The following PABPC4 variants were observed in gnomAD, a reference collection of about 807,000 sequenced individuals.
The protein encoded by PABPC4 is polyadenylate-binding protein 4.
In PABPC4, 15 loss-of-function variants were observed where a neutral mutation model predicts 74.5. That is an observed-to-expected ratio of 0.20 (90% CI 0.13 to 0.31). The LOEUF (loss-of-function observed/expected upper bound fraction) is 0.31, where lower values mean the gene tolerates loss of function less well. Among genes scored for constraint, PABPC4 ranks in the 10% least tolerant of loss-of-function variants. PABPC4 has a pLI of 1.00. For synonymous variants in PABPC4, 345 were observed against 303.0 expected, an observed-to-expected ratio of 1.14 and a Z score of -1.44; for missense variants, 610 against 853.5, an observed-to-expected ratio of 0.71 and a Z score of 3.55.
At chr1:39,565,787 C>A (rs1645828056) in intron 7 of PABPC4, among the ~76,000 whole-genome samples, 12 of 152,106 alleles carry the variant, frequency 7.9e-5, no homozygotes, top group Admixed American at 7.9e-4. Flanking sequence ...GAGATCGCGC[C>A]ACTGCACTCC....
chr1:39,561,307 T>C, intron 15 of PABPC4, 185 bp from the exon 16 acceptor site: 1 of 341,360 alleles, frequency 2.9e-6, no homozygotes, highest in South Asian at 2.4e-5. Context: ...TCTCTGGTCT[T>C]TACCACTAGA....
intron 12 of PABPC4, 154 bp downstream of exon 12, chr1:39,563,460 G>A (rs1645791986): frequency 1.0e-6 from 1 of 955,196 alleles, no homozygotes; most frequent in Admixed American, 3.1e-5. Context: ...TCCCACTAGT[G>A]AGCCCCTGAA....
rs951111653 is a variant in PABPC4, at chr1:39,575,936, T to C, written c.16A>G (p.Ser6Gly). Residue 6 changes from serine (S) to glycine (G), a missense_variant, in exon 1 of 16, where the codon AGC becomes GGC. Ser to Gly is a moderately conservative substitution (Grantham distance 56). This residue lies in a region of PABPC4 where 304 missense variants were observed against 478.9 expected (regional missense o/e 0.63). Transcript: ENST00000372858. ...TACAGGGAGGCCATGGGGTAGCTGC[T>C]GGCCGCAGCGTTCATCTCCCCGCCC... is the stretch of plus-strand genomic sequence containing the variant. MNAAA[S>G]SYPMASLYVG... The C allele has an allele frequency of 5.7e-6, 9 of 1,592,768 alleles. No individual in the cohort carries two copies. The highest frequency in any genetic ancestry group is 4.1e-5 in the African/African-American group (3 of 73,590).
At chr1:39,568,581 AAT>A in intron 6 of PABPC4, 1 of 452,524 alleles carries the variant, frequency 2.2e-6, no homozygotes, top group Non-Finnish European at 3.8e-6. Flanking sequence ...AGGCTTCCAA[AAT>A]AGAGAGCTTC....
At position 39,575,929 on chromosome 1, in the gene PABPC4, T is replaced by C. The variant is rs1342335810; in HGVS notation, c.23A>G (p.Tyr8Cys). 1 of 1,600,234 alleles carries C rather than the reference T, an allele frequency of 6.2e-7. No homozygotes were observed. Among genetic ancestry groups the C allele is most frequent in the South Asian group, 1.1e-5 (1 of 90,244 alleles). Reference sequence around the variant, plus strand: ...GCCCACGTACAGGGAGGCCATGGGGTAGCTGCTGGCCGCAGCGTTCATCTC... The same window carrying C: ...GCCCACGTACAGGGAGGCCATGGGGCAGCTGCTGGCCGCAGCGTTCATCTC... The part of the protein sequence containing the change: MNAAASS[Y>C]PMASLYVGDL... The change falls in exon 1 of 16, where the codon TAC becomes TGC. Residue 8 changes from tyrosine to cysteine, a missense_variant. By Grantham distance (194) the Tyr-to-Cys change is radical. This residue lies in a region of PABPC4 where 304 missense variants were observed against 478.9 expected (regional missense o/e 0.63). Coordinates refer to ENST00000372858, the MANE Select transcript of PABPC4 (RefSeq NM_001135653.2).
chr1:39,562,114 G>A lies in PABPC4; in HGVS notation c.1852C>T (p.Leu618=). The change falls in exon 14 of 16, where the codon CTG becomes TTG. Residue 618 remains leucine (L), a synonymous_variant. Coordinates refer to ENST00000372858, the MANE Select transcript of PABPC4 (RefSeq NM_001135653.2). ...TCGGGGGACTCTAACATGTGCAGCA[G>A]CTCAGAGTTGTCTATCTCCAGCAGC... ...GMLLEIDNSE[L]LHMLESPESL... The A allele has an allele frequency of 6.2e-7, 1 of 1,613,686 alleles. No individual in the cohort carries two copies. The highest frequency in any genetic ancestry group is 1.1e-5 in the South Asian group (1 of 91,066).
chr1:39,576,345 T>C lies in PABPC4; in HGVS notation c.-394A>G, dbSNP rs1646025937. 1 of 161,780 alleles carries C rather than the reference T, an allele frequency of 6.2e-6. No homozygotes were observed. Among genetic ancestry groups the C allele is most frequent in the South Asian group, 2.0e-4 (1 of 5,070 alleles). The allele number at this position is 161,780 out of a possible 1,614,324, so 10.0% of individuals were successfully genotyped here. On this transcript the variant is annotated 5_prime_UTR_variant, in exon 1 of 16. Coordinates refer to ENST00000372858, the MANE Select transcript of PABPC4 (RefSeq NM_001135653.2). ...CGGCGGCCTCGGGGACACGCGTTTC[T>C]CTATAAATATAGGCCTCGGGCTCCG...
intron 5 of PABPC4, 168 bp downstream of exon 5, chr1:39,569,427 C>T (rs1329256109): frequency 1.6e-6 from 1 of 619,058 alleles, no homozygotes; most frequent in Non-Finnish European, 2.9e-6. Context: ...TAAACACCTA[C>T]ATGAAGTTAA....
At position 39,564,758 on chromosome 1, in the gene PABPC4, G is replaced by C; in HGVS notation, c.1261C>G (p.Pro421Ala). 1 of 1,613,920 alleles carries C rather than the reference G, an allele frequency of 6.2e-7. No homozygotes were observed. The highest frequency in any genetic ancestry group is 8.5e-7 in the Non-Finnish European group (1 of 1,179,808). ...GCTAACTGGTTAGGTGTATAATATG[G>C]AGGCCTTCCCTGAGCCTGTAAGACA... ...PAVPQAQGRP[P>A]YYTPNQLAQM... The change falls in exon 9 of 16, where the codon CCA becomes GCA. Residue 421 changes from proline (P) to alanine (A), a missense_variant. Pro to Ala is a conservative substitution (Grantham distance 27). This residue lies in a region of PABPC4 where 277 missense variants were observed against 301.8 expected (regional missense o/e 0.92). Transcript: ENST00000372858.
chr1:39,573,208 G>A (rs72663543), intron 1 of PABPC4: 1 of 149,830 alleles, frequency 6.7e-6, no homozygotes, highest in Non-Finnish European at 1.5e-5. Context: ...TCAGAATTCA[G>A]TCCAGTTTAT....
In PABPC4 at chr1:39,576,597, G is replaced by C. The variant is rs975521634; in HGVS notation, c.-646C>G. 6.0e-5 allele frequency: 9 copies of C among 149,680 alleles called. No homozygotes were observed. The highest frequency in any genetic ancestry group is 1.0e-4 in the Non-Finnish European group (7 of 67,058). The allele number at this position is 149,680 out of a possible 1,614,324, so 9.3% of individuals were successfully genotyped here. A position where few individuals can be genotyped will look rare whatever the true frequency, so the allele number is the denominator to read the frequency against. On this transcript the variant is annotated 5_prime_UTR_variant, in exon 1 of 16. Coordinates refer to ENST00000372858, the MANE Select transcript of PABPC4 (RefSeq NM_001135653.2). The stretch of plus-strand genomic sequence containing the variant: ...ACCGACGGACGCCAAGCGCTGCGGC[G>C]GCGGGCGCGGGGCAGGCCGGAAGCG...
rs769691628 is a variant in PABPC4 at position 39,564,804 on chromosome 1, C to T, written c.1246-31G>A. The T allele has an allele frequency of 3.3e-6, 5 of 1,533,944 alleles. No individual in the cohort carries two copies. The East Asian group carries it at 1.1e-4, about 34-fold the overall frequency. On this transcript the variant is annotated intron_variant, in intron 8 of 15. Coordinates refer to ENST00000372858, the MANE Select transcript of PABPC4 (RefSeq NM_001135653.2). ...AGACAGAAGAATACCCAAACACCCCCTTAAGGACTGAACCCATCCTAGAGA... is the reference window on the plus strand; with the variant it reads ...AGACAGAAGAATACCCAAACACCCCTTTAAGGACTGAACCCATCCTAGAGA...
chr1:39,560,923 C>A lies in PABPC4; in HGVS notation c.*213G>T. On this transcript the variant is annotated 3_prime_UTR_variant, in exon 16 of 16. Transcript: ENST00000372858. Reference sequence around the variant, plus strand: ...AAACCCACAATAAAAAAAAAGTTAACACTGTCTGGGCCACAGCAGAACCCA... The same window carrying A: ...AAACCCACAATAAAAAAAAAGTTAAAACTGTCTGGGCCACAGCAGAACCCA... 1 of 208,506 alleles carries A rather than the reference C, an allele frequency of 4.8e-6. No homozygotes were observed. Among genetic ancestry groups the A allele is most frequent in the Non-Finnish European group, 1.0e-5 (1 of 96,574 alleles). The allele number at this position is 208,506 out of a possible 1,614,324, so 12.9% of individuals were successfully genotyped here.
intron 7 of PABPC4, among the ~76,000 whole-genome samples, chr1:39,567,064 G>A (rs1189874762): frequency 5.3e-5 from 8 of 152,064 alleles, no homozygotes; most frequent in Non-Finnish European, 1.2e-4. Context: ...GTCTGCATCC[G>A]GCCATAACTC....
At chr1:39,570,384 A>T (rs1645922127) in intron 3 of PABPC4, 1 of 189,704 alleles carries the variant, frequency 5.3e-6, no homozygotes, top group Non-Finnish European at 1.1e-5. Flanking sequence ...TGTTGGAGTG[A>T]AGGGGCACCC....
intron 1 of PABPC4, among the ~76,000 whole-genome samples, chr1:39,574,433 G>A (rs1414770031): frequency 2.0e-5 from 3 of 152,248 alleles, no homozygotes; most frequent in Admixed American, 6.5e-5. Flanking sequence ...AAGTCCTGCA[G>A]AAGTATGTGT....
At chr1:39,570,147 C>A in intron 3 of PABPC4, 145 bp from the exon 4 acceptor site, 1 of 767,936 alleles carries the variant, frequency 1.3e-6, no homozygotes, top group Admixed American at 2.6e-5. Flanking sequence ...AGAGATACCC[C>A]AAGTCCCCAG....
rs1311272027 is a variant in PABPC4, at chr1:39,575,851, G to C, written c.101C>G (p.Ala34Gly). ...GACCCGGATGGACAGCACAGGCCCCGCGGGGCTGAACTTTTCGTACAGCAT... is the reference window on the plus strand; with the variant it reads ...GACCCGGATGGACAGCACAGGCCCCCCGGGGCTGAACTTTTCGTACAGCAT... ...EAMLYEKFSP[A>G]GPVLSIRVCR... is the part of the protein sequence containing the mutation. Residue 34 changes from alanine to glycine, a missense_variant, in exon 1 of 16, where the codon GCG (alanine) becomes GGG (glycine). Around this residue, in one of 4 missense-constraint regions of PABPC4, gnomAD observed 304 missense variants for 478.9 expected, o/e 0.63. Coordinates refer to ENST00000372858, the MANE Select transcript of PABPC4 (RefSeq NM_001135653.2). 3.1e-6 allele frequency: 5 copies of C among 1,612,548 alleles called. No individual in the cohort carries two copies. The highest frequency in any genetic ancestry group is 3.4e-6 in the Non-Finnish European group (4 of 1,179,670).
rs908538468 is a variant in PABPC4 at position 39,576,760 on chromosome 1, C to G, written c.-809G>C. On this transcript the variant is annotated 5_prime_UTR_variant, in exon 1 of 16. Transcript: ENST00000372858. Reference sequence around the variant, plus strand: ...CTCAGGCTGCGAAGCCCGAAAGCGGCGGAGGCGGCAGCGACCCGGGGCGGA... The same window carrying G: ...CTCAGGCTGCGAAGCCCGAAAGCGGGGGAGGCGGCAGCGACCCGGGGCGGA... 6.7e-6 allele frequency: 1 copy of G among 149,840 alleles called. No homozygotes were observed. The highest frequency in any genetic ancestry group is 1.5e-5 in the Non-Finnish European group (1 of 67,252). The allele number at this position is 149,840 out of a possible 1,614,324, so 9.3% of individuals were successfully genotyped here.
Sources: allele counts gnomAD v4.1 joint callset (sites outside exome capture counted in the v4.1 genomes callset), GRCh38; gene constraint gnomAD v4.1.1; regional missense constraint gnomAD v4.1.1; transcripts MANE v1.5; gene names NCBI Gene and HGNC (gene_info 2026-07-23, HGNC 2026-07-21).